SLC33A1: variants seen among roughly 807,000 people sequenced by gnomAD.
SLC33A1 encodes the protein acetyl-coenzyme A transporter 1.
A neutral mutation model predicts 50.0 loss-of-function variants in SLC33A1; 20 were observed. The ratio of observed to expected loss-of-function variants is 0.40; its 90% CI spans 0.28 to 0.58. SLC33A1 has a LOEUF of 0.58. SLC33A1 is among the 20% of genes least tolerant of loss of function. The pLI, the probability that SLC33A1 is intolerant of heterozygous loss-of-function variation, is 0.44. For synonymous variants in SLC33A1, 265 were observed against 251.8 expected (o/e 1.05, Z -0.50); for missense variants, 476 against 657.0 (o/e 0.72, Z 3.01).
At chr3:155,840,072 C>G (rs917944719) in intron 2 of SLC33A1, among the ~76,000 whole-genome samples, 11 of 151,588 alleles carry the variant, frequency 7.3e-5, no homozygotes, top group African/African-American at 2.7e-4. Flanking sequence ...AAGGTCAATA[C>G]TGTTTTTTTT....
chr3:155,838,737 C>T (rs542719100), intron 2 of SLC33A1, among the ~76,000 whole-genome samples: 2 of 151,030 alleles, frequency 1.3e-5, no homozygotes, highest in African/African-American at 4.9e-5. Flanking sequence ...ATAGTTCTAA[C>T]TACTTGAGAG....
intron 4 of SLC33A1, among the ~76,000 whole-genome samples, chr3:155,830,879 G>A (rs1343239346): frequency 6.6e-6 from 1 of 152,058 alleles, no homozygotes; most frequent in African/African-American, 2.4e-5. Flanking sequence ...GTACTTAAAA[G>A]GCAAGAATTA....
chr3:155,852,197 A>T (rs886704976), intron 1 of SLC33A1, among the ~76,000 whole-genome samples: 34 of 152,184 alleles, frequency 2.2e-4, no homozygotes, highest in Non-Finnish European at 2.6e-4. Context: ...GTTCACACTT[A>T]TAATTCCCAG....
At chr3:155,839,505 G>A (rs554124213) in intron 2 of SLC33A1, among the ~76,000 whole-genome samples, 3 of 151,280 alleles carry the variant, frequency 2.0e-5, no homozygotes, top group African/African-American at 7.3e-5. Flanking sequence ...ACAGAAAAAT[G>A]AGATTACGGA....
chr3:155,842,868 C>T (rs1229476850), intron 1 of SLC33A1: 5 of 251,164 alleles, frequency 2.0e-5, no homozygotes, highest in Non-Finnish European at 3.8e-5. Flanking sequence ...ATTAGCCAGG[C>T]TTGGTGGTGC....
Position 155,853,989 on chromosome 3 carries a change from G to A in SLC33A1, c.9C>T (p.Pro3=), listed in dbSNP as rs551470945. ...GGCTGCTGTCCTTGTGGGAGATGGT[G>A]GGTGACATATCAGAGACGATGCAGA... MS[P]TISHKDSSRQ... is the part of the protein sequence containing the mutation. The change falls in exon 1 of 6, where the codon CCC becomes CCT. Residue 3 remains proline (P), a synonymous_variant. Transcript: ENST00000643144. 2 of 1,546,076 alleles carry A rather than the reference G, an allele frequency of 1.3e-6. No homozygotes were observed. Among genetic ancestry groups the A allele is most frequent in the Admixed American group, 2.2e-5 (1 of 46,470 alleles).
intron 2 of SLC33A1, among the ~76,000 whole-genome samples, chr3:155,836,327 A>AAAGAAAG (rs1560015448): frequency 5.8e-5 from 8 of 138,614 alleles, no homozygotes; most frequent in Admixed American, 2.3e-4. Context: ...AAGAAAGAAA[A>AAAGAAAG]AAAGAAAGAA....
At position 155,828,040 on chromosome 3, in the gene SLC33A1, A is replaced by AC. The variant is rs1752258030; in HGVS notation, c.*169_*170insG. 1.7e-6 allele frequency: 1 copy of AC among 577,654 alleles called. No homozygotes were observed. The highest frequency in any genetic ancestry group is 1.9e-5 in the African/African-American group (1 of 52,806). 35.8% of individuals were successfully genotyped at this position (577,654 alleles called of 1,614,324 possible). ...AATACATTGACAAGGCAAAAAAAAA[A>AC]TATGATCAAATATACAGAAAGGTTT... On this transcript the variant is annotated 3_prime_UTR_variant, in exon 6 of 6. Coordinates refer to ENST00000643144, the MANE Select transcript of SLC33A1 (RefSeq NM_004733.4).
chr3:155,840,289 T>C (rs2107973731), intron 2 of SLC33A1, among the ~76,000 whole-genome samples: 1 of 151,846 alleles, frequency 6.6e-6, no homozygotes, highest in African/African-American at 2.4e-5. Flanking sequence ...GGTTTCACCA[T>C]GTTGGCCAGG....
At position 155,828,107 on chromosome 3, in the gene SLC33A1, C is replaced by T; in HGVS notation, c.*103G>A. 1.3e-6 allele frequency: 1 copy of T among 788,918 alleles called. No homozygotes were observed. Among genetic ancestry groups the T allele is most frequent in the Non-Finnish European group, 2.1e-6 (1 of 469,538 alleles). 48.9% of individuals were successfully genotyped at this position (788,918 alleles called of 1,614,324 possible). ...TTGGCATTTTATATTATTAATTTCG[C>T]TGTTTAAAATAATATTTTATACTCC... On this transcript the variant is annotated 3_prime_UTR_variant, in exon 6 of 6. Transcript: ENST00000643144.
chr3:155,836,010 C>T lies in SLC33A1; in HGVS notation c.964-1969G>A, dbSNP rs528820967. 8.6e-5 allele frequency among the ~76,000 whole-genome samples: 13 copies of T among 151,254 alleles called. No homozygotes were observed. The East Asian group carries it at 1.2e-3, about 14-fold the overall frequency. On this transcript the variant is annotated intron_variant, in intron 2 of 5. Coordinates refer to ENST00000643144, the MANE Select transcript of SLC33A1 (RefSeq NM_004733.4). Reference sequence around the variant, plus strand: ...TTTTTAAAGAAATTATAAGGCCAGACGCGGTGGCTCATGCCTGTAATTCCA... The same window carrying T: ...TTTTTAAAGAAATTATAAGGCCAGATGCGGTGGCTCATGCCTGTAATTCCA...
intron 1 of SLC33A1, among the ~76,000 whole-genome samples, chr3:155,846,744 T>C (rs28651906): frequency 0.2 from 30,024 of 151,338 alleles, 7,575 homozygotes; most frequent in African/African-American, 0.58. Flanking sequence ...TGAGCCACCG[T>C]GCCTGGCTCC....
At chr3:155,844,585 C>T (rs1031917358) in intron 1 of SLC33A1, 5 of 149,046 alleles carry the variant, frequency 3.4e-5, no homozygotes, top group Admixed American at 1.4e-4. Flanking sequence ...CCTGCCTCGG[C>T]CTCTGTAGTA....
chr3:155,837,506 T>G (rs910900556), intron 2 of SLC33A1, among the ~76,000 whole-genome samples: 3 of 152,216 alleles, frequency 2.0e-5, no homozygotes, highest in African/African-American at 7.2e-5. Context: ...ATGCATCTTC[T>G]ATGAACCAGC....
chr3:155,844,190 C>G (rs1026948285), intron 1 of SLC33A1, among the ~76,000 whole-genome samples: 4 of 151,986 alleles, frequency 2.6e-5, no homozygotes, highest in Non-Finnish European at 1.5e-5. Flanking sequence ...TCAATTTCGC[C>G]TTGGTATTTA....
intron 1 of SLC33A1, among the ~76,000 whole-genome samples, chr3:155,850,962 G>A (rs1480425429): frequency 1.3e-5 from 2 of 150,708 alleles, no homozygotes; most frequent in Non-Finnish European, 3.0e-5. Context: ...AATTTATTTT[G>A]GCTGGGCGCA....
chr3:155,837,854 A>AG (rs538164972), intron 2 of SLC33A1, among the ~76,000 whole-genome samples: 1 of 151,646 alleles, frequency 6.6e-6, no homozygotes, highest in African/African-American at 2.4e-5. Context: ...ATATGTTATT[A>AG]GGGGGGAAGT....
intron 1 of SLC33A1, among the ~76,000 whole-genome samples, chr3:155,849,588 A>G (rs1260437026): frequency 9.6e-6 from 1 of 103,836 alleles, no homozygotes; most frequent in East Asian, 2.5e-4. Context: ...ATTCCACAGG[A>G]AAAAAAAAAA....
chr3:155,830,229 C>T (rs934645757), intron 4 of SLC33A1, among the ~76,000 whole-genome samples: 5 of 150,962 alleles, frequency 3.3e-5, no homozygotes, highest in East Asian at 1.9e-4. Context: ...AAAAAATAGC[C>T]GGATGTGGTG....
Sources: allele counts gnomAD v4.1 joint callset (sites outside exome capture counted in the v4.1 genomes callset), GRCh38; gene constraint gnomAD v4.1.1; transcripts MANE v1.5; gene names NCBI Gene and HGNC (gene_info 2026-07-23, HGNC 2026-07-21).